PHF3: variants seen among roughly 807,000 people sequenced by gnomAD.
The protein encoded by PHF3 is PHD finger protein 3.
Under a neutral mutation model 178.4 loss-of-function variants are expected in PHF3, and 41 were observed. The observed-to-expected ratio is 0.23, with a 90% CI of 0.18 to 0.30. The LOEUF is 0.30. Ranked by LOEUF, PHF3 falls within the 10% of genes least tolerant of loss-of-function variation. The probability of loss-of-function intolerance (pLI) is 1.00; values close to 1 mark genes in which losing one functional copy is unlikely to be tolerated. For synonymous variants in PHF3, 842 were observed against 800.5 expected, an observed-to-expected ratio of 1.05 and a Z score of -0.88; for missense variants, 2,346 against 2,398.1, an observed-to-expected ratio of 0.98 and a Z score of 0.45.
Position 63,690,391 on chromosome 6 carries a change from C to T in PHF3, c.2190-1346C>T, listed in dbSNP as rs140876357. ...GTAGTGGTTTTATACACAATAGGCA[C>T]ATGAGGAAGAAGAAAAGGAAGTGCT... On this transcript the variant is annotated intron_variant, in intron 4 of 15. Transcript: ENST00000262043. Among the ~76,000 whole-genome samples, 16 of 152,072 alleles carry T rather than the reference C, an allele frequency of 1.1e-4. No homozygotes were observed. In the East Asian group the frequency reaches 2.9e-3, roughly 28 times the overall value.
At chr6:63,643,369 T>A (rs1415622602) in intron 1 of PHF3, among the ~76,000 whole-genome samples, 1 of 152,244 alleles carries the variant, frequency 6.6e-6, no homozygotes, top group African/African-American at 2.4e-5. Context: ...TACATGCTGT[T>A]CATTTTTGGC....
At position 63,715,531 on chromosome 6, in the gene PHF3, G is replaced by C. The variant is rs1288844639; in HGVS notation, c.*1823G>C. 1 of 152,122 alleles carries C rather than the reference G, an allele frequency of 6.6e-6. No individual in the cohort carries two copies. The highest frequency in any genetic ancestry group is 1.9e-4 in the East Asian group (1 of 5,196). 9.4% of individuals were successfully genotyped at this position (152,122 alleles called of 1,614,324 possible). ...TCCAGATTTCTTTTGCAAGATGAAA[G>C]TAAAAACGAGTGGGTTAATGAATGA... On this transcript the variant is annotated 3_prime_UTR_variant, in exon 16 of 16. Coordinates refer to ENST00000262043, the MANE Select transcript of PHF3 (RefSeq NM_001370348.2).
chr6:63,669,069 T>C (rs1765799719), intron 2 of PHF3, among the ~76,000 whole-genome samples: 1 of 152,234 alleles, frequency 6.6e-6, no homozygotes, highest in Non-Finnish European at 1.5e-5. Flanking sequence ...TGCTTTAAAT[T>C]AAATTTGATA....
chr6:63,677,446 A>G (rs1766218471), intron 2 of PHF3, among the ~76,000 whole-genome samples: 2 of 152,172 alleles, frequency 1.3e-5, no homozygotes. Flanking sequence ...AGATTCAGAA[A>G]GTGGAGAGGA....
chr6:63,701,698 T>G (rs1767483212), intron 9 of PHF3, among the ~76,000 whole-genome samples: 1 of 152,164 alleles, frequency 6.6e-6, no homozygotes, highest in African/African-American at 2.4e-5. Flanking sequence ...CTTCATACAT[T>G]CCTTTACCTT....
intron 1 of PHF3, among the ~76,000 whole-genome samples, chr6:63,645,393 G>T (rs1764742596): frequency 6.6e-6 from 1 of 152,022 alleles, no homozygotes; most frequent in Non-Finnish European, 1.5e-5. Flanking sequence ...TTTATTATTG[G>T]GGCTTAAATT....
Position 63,717,849 on chromosome 6 carries a change from T to C in PHF3, c.*4141T>C, listed in dbSNP as rs1046923282. ...AGTAATGATTTTTTTCAGGAACTTA[T>C]TATTTATAAGGAGACCAAAAAGGTA... On this transcript the variant is annotated 3_prime_UTR_variant, in exon 16 of 16. Coordinates refer to ENST00000262043, the MANE Select transcript of PHF3 (RefSeq NM_001370348.2). Among the ~76,000 whole-genome samples the C allele has an allele frequency of 1.3e-5, 2 of 151,992 alleles. No homozygotes were observed. Among genetic ancestry groups the C allele is most frequent in the East Asian group, 1.9e-4 (1 of 5,200 alleles).
chr6:63,683,835 A>G (rs1766546225), intron 3 of PHF3, among the ~76,000 whole-genome samples: 1 of 152,112 alleles, frequency 6.6e-6, no homozygotes, highest in Non-Finnish European at 1.5e-5. Flanking sequence ...TTTTTATGGA[A>G]AAGAGATTTG....
rs1768325951 is a variant in PHF3 at position 63,720,386 on chromosome 6, A to G, written c.*6678A>G. 1 of 480,926 alleles carries G rather than the reference A, an allele frequency of 2.1e-6. No homozygotes were observed. Among genetic ancestry groups the G allele is most frequent in the African/African-American group, 2.0e-5 (1 of 49,832 alleles). 29.8% of individuals were successfully genotyped at this position (480,926 alleles called of 1,614,324 possible). On this transcript the variant is annotated 3_prime_UTR_variant, in exon 16 of 16. Transcript: ENST00000262043. Reference sequence around the variant, plus strand: ...ACTGAACTAATGGAGTTAAAACATGAATCAAAATATATACAGATAAATTAG... The same window carrying G: ...ACTGAACTAATGGAGTTAAAACATGGATCAAAATATATACAGATAAATTAG...
intron 1 of PHF3, among the ~76,000 whole-genome samples, chr6:63,644,709 CT>C (rs879582711): frequency 4.0e-5 from 6 of 150,778 alleles, no homozygotes; most frequent in East Asian, 1.9e-4. Flanking sequence ...GAGGAATTTG[CT>C]TTTTTTTTAA....
intron 2 of PHF3, among the ~76,000 whole-genome samples, chr6:63,664,296 T>C: frequency 6.6e-6 from 1 of 152,190 alleles, no homozygotes; most frequent in Non-Finnish European, 1.5e-5. Context: ...AAGTGGAACT[T>C]GGGAATCAGA....
chr6:63,645,752 A>C (rs1263668869), intron 1 of PHF3, among the ~76,000 whole-genome samples: 1 of 152,194 alleles, frequency 6.6e-6, no homozygotes, highest in Non-Finnish European at 1.5e-5. Flanking sequence ...TTGCTGAGCA[A>C]TGTAGGTACA....
At chr6:63,687,240 A>C (rs529183092) in intron 4 of PHF3, among the ~76,000 whole-genome samples, 13 of 152,264 alleles carry the variant, frequency 8.5e-5, no homozygotes, top group African/African-American at 3.1e-4. Context: ...CCTGGCCAAC[A>C]TGGTGAAACC....
rs1180298479 is a variant in PHF3, at chr6:63,684,415, A to G, written c.693A>G (p.Glu231=). ...SVSSCLEMKD[E]DGLDSKHKCN... The stretch of plus-strand genomic sequence containing the variant: ...CATCTTGTCTTGAAATGAAGGATGA[A>G]GATGGATTAGATTCTAAGCATAAGT... Residue 231 remains glutamate (E), a synonymous_variant, in exon 4 of 16, where the codon GAA becomes GAG. Transcript: ENST00000262043. 1.9e-6 allele frequency: 3 copies of G among 1,614,058 alleles called. No homozygotes were observed. The African/African-American group carries it at 4.0e-5, about 22-fold the overall frequency.
In PHF3 at chr6:63,717,831, A is replaced by G. The variant is rs546681453; in HGVS notation, c.*4123A>G. 6.6e-6 allele frequency among the ~76,000 whole-genome samples: 1 copy of G among 152,074 alleles called. No individual in the cohort carries two copies. The highest frequency in any genetic ancestry group is 2.1e-4 in the South Asian group (1 of 4,820). On this transcript the variant is annotated 3_prime_UTR_variant, in exon 16 of 16. Transcript: ENST00000262043. Reference sequence around the variant, plus strand: ...AGATAATTTTGTCCTCAAAGTAATGATTTTTTTCAGGAACTTATTATTTAT... The same window carrying G: ...AGATAATTTTGTCCTCAAAGTAATGGTTTTTTTCAGGAACTTATTATTTAT...
intron 12 of PHF3, 33 bp downstream of exon 12, chr6:63,706,257 C>T: frequency 6.8e-7 from 1 of 1,468,244 alleles, no homozygotes; most frequent in Non-Finnish European, 9.3e-7. Context: ...CTGTAATACT[C>T]ATTATAGATC....
chr6:63,704,848 C>T (rs1471915583), intron 11 of PHF3, among the ~76,000 whole-genome samples: 1 of 152,118 alleles, frequency 6.6e-6, no homozygotes, highest in Non-Finnish European at 1.5e-5. Context: ...AGCCATTTTG[C>T]CTTCCTGCCA....
At chr6:63,690,036 T>G (rs1766927567) in intron 4 of PHF3, among the ~76,000 whole-genome samples, 1 of 152,184 alleles carries the variant, frequency 6.6e-6, no homozygotes, top group Non-Finnish European at 1.5e-5. Context: ...CAAATAATCA[T>G]TTTTAATATT....
rs1229263551 is a variant in PHF3, at chr6:63,698,616, T to C, written c.2982+11T>C. 6.5e-7 allele frequency: 1 copy of C among 1,542,186 alleles called. No individual in the cohort carries two copies. The highest frequency in any genetic ancestry group is 8.7e-7 in the Non-Finnish European group (1 of 1,144,938). On this transcript the variant is annotated intron_variant, in intron 8 of 15. Coordinates refer to ENST00000262043, the MANE Select transcript of PHF3 (RefSeq NM_001370348.2). ...GATCCTAAAAACAATGTAAGTATGC[T>C]TTGTTCATATGTTTATGCTTCCAAC...
Sources: gnomAD v4.1 joint callset for allele counts (sites outside exome capture counted in the v4.1 genomes callset) on GRCh38, gnomAD v4.1.1 for gene constraint, MANE v1.5 for transcripts, NCBI Gene and HGNC (gene_info 2026-07-23, HGNC 2026-07-21) for gene names.